Variants in DOC2B observed in about 807,000 individuals in gnomAD.
The protein encoded by DOC2B is double C2-like domain-containing protein beta.
Under a neutral mutation model 28.9 loss-of-function variants are expected in DOC2B, and 21 were observed. The ratio of observed to expected loss-of-function variants is 0.73; its 90% CI spans 0.52 to 1.05. The LOEUF (loss-of-function observed/expected upper bound fraction) is 1.05. DOC2B is among the 50% of genes least tolerant of loss of function. The probability of loss-of-function intolerance (pLI) is 0.00; values close to 1 mark genes in which losing one functional copy is unlikely to be tolerated. For missense variants in DOC2B, 384 were observed against 421.1 expected (o/e 0.91, Z 0.77); for synonymous variants, 194 against 178.1 (o/e 1.09, Z -0.71).
Position 147,477 on chromosome 17 carries a change from G to A in DOC2B, c.1203C>T (p.Leu401=). 2.5e-6 allele frequency: 1 copy of A among 398,828 alleles called. No homozygotes were observed. Among genetic ancestry groups the A allele is most frequent in the Non-Finnish European group, 4.4e-6 (1 of 226,172 alleles). 24.7% of individuals were successfully genotyped at this position (398,828 alleles called of 1,614,324 possible). A position where few individuals can be genotyped will look rare whatever the true frequency, so the allele number is the denominator to read the frequency against. ...GCACAGCCCCTGGGAGCTCGCTGGT[G>A]AGCGTGTGCCAGCGCTCGATGCGCT... ...KDKRIERWHT[L]TSELPGAVLS... The change falls in exon 9 of 9, where the codon CTC becomes CTT. Residue 401 remains leucine, a synonymous_variant. Coordinates refer to ENST00000613549, the MANE Select transcript of DOC2B (RefSeq NM_003585.5).
intron 6 of DOC2B, among the ~76,000 whole-genome samples, chr17:153,965 G>A (rs1413009364): frequency 1.3e-5 from 2 of 152,062 alleles, no homozygotes; most frequent in Non-Finnish European, 2.9e-5. Context: ...CCTGGCTCCT[G>A]CAACCACAAA....
In DOC2B at chr17:156,331, A is replaced by C. The variant is rs1567529484; in HGVS notation, c.812T>G (p.Leu271Arg). 6.4e-7 allele frequency: 1 copy of C among 1,551,376 alleles called. No homozygotes were observed. The highest frequency in any genetic ancestry group is 8.7e-7 in the Non-Finnish European group (1 of 1,146,800). The change falls in exon 6 of 9, where the codon CTC (leucine) becomes CGC (arginine). Residue 271 changes from leucine (L) to arginine (R), a missense_variant. Transcript: ENST00000613549. ...DKSLEERGRILISLKYSSQKQ... is the reference protein window; with the variant it reads ...DKSLEERGRIRISLKYSSQKQ... ...CTGTGAGCTGTACTTGAGGGAGATGAGGATGCGGCCCCGCTCCTCCAGGGA... is the reference window on the plus strand; with the variant it reads ...CTGTGAGCTGTACTTGAGGGAGATGCGGATGCGGCCCCGCTCCTCCAGGGA...
rs2040019055 is a variant in DOC2B, at chr17:146,373, T to C, written c.*1068A>G. The C allele has an allele frequency of 6.6e-6, 1 of 152,184 alleles. No individual in the cohort carries two copies. Among genetic ancestry groups the C allele is most frequent in the Non-Finnish European group, 1.5e-5 (1 of 68,084 alleles). 9.4% of individuals were successfully genotyped at this position (152,184 alleles called of 1,614,324 possible). On this transcript the variant is annotated 3_prime_UTR_variant, in exon 9 of 9. Transcript: ENST00000613549. The stretch of plus-strand genomic sequence containing the variant: ...TCTCCACTGCAGCTGACCTGATGCT[T>C]ATGCCAGGAAGGAGGAGGGGCGGGC...
chr17:159,747 G>T (rs1555522991), intron 5 of DOC2B, among the ~76,000 whole-genome samples: 3 of 152,160 alleles, frequency 2.0e-5, no homozygotes, highest in African/African-American at 7.2e-5. Context: ...AGCGCATCCA[G>T]CAACGCCCTG....
chr17:152,335 G>A (rs531497988), intron 6 of DOC2B, among the ~76,000 whole-genome samples: 11 of 152,276 alleles, frequency 7.2e-5, no homozygotes, highest in African/African-American at 2.6e-4. Context: ...GGGATATTAC[G>A]TGTAACTCGA....
chr17:161,356 C>T, intron 5 of DOC2B, 59 bp downstream of exon 5: 1 of 1,524,460 alleles, frequency 6.6e-7, no homozygotes. Context: ...GGAAGTTCTG[C>T]CTTCCCAGCA....
At chr17:171,973 C>T (rs1458080685) in intron 2 of DOC2B, among the ~76,000 whole-genome samples, 2 of 149,670 alleles carry the variant, frequency 1.3e-5, no homozygotes, top group Non-Finnish European at 3.0e-5. Flanking sequence ...GGGGCCGGGC[C>T]AGGCTGCAGA....
intron 2 of DOC2B, among the ~76,000 whole-genome samples, chr17:166,172 C>T (rs1597829094): frequency 6.6e-6 from 1 of 152,234 alleles, no homozygotes. Context: ...CCTGGGCAGC[C>T]ACACATTTCG....
At position 173,336 on chromosome 17, in the gene DOC2B, G is replaced by A. The variant is rs137993527; in HGVS notation, c.374-720C>T. ...CCATGCAGAAGCGGCTCCCAGCATG[G>A]AGGCCAAGGTGATGGTTGGGGCAGA... is the stretch of plus-strand genomic sequence containing the variant. On this transcript the variant is annotated intron_variant, in intron 1 of 8. Coordinates refer to ENST00000613549, the MANE Select transcript of DOC2B (RefSeq NM_003585.5). Among the ~76,000 whole-genome samples, 247 of 152,286 alleles carry A rather than the reference G, an allele frequency of 1.6e-3. 1 individual carries two copies. The highest frequency in any genetic ancestry group is 5.7e-3 in the African/African-American group (238 of 41,550).
chr17:148,890 C>A (rs2040043634), intron 7 of DOC2B, among the ~76,000 whole-genome samples: 1 of 151,726 alleles, frequency 6.6e-6, no homozygotes, highest in South Asian at 2.1e-4. Flanking sequence ...ACCGAGGACT[C>A]CCCTCAACAC....
intron 2 of DOC2B, among the ~76,000 whole-genome samples, chr17:169,710 C>T (rs2040290026): frequency 1.3e-5 from 2 of 152,042 alleles, no homozygotes; most frequent in Admixed American, 1.3e-4. Context: ...AGCAAGGGTG[C>T]ACCCCAGGGT....
rs897790165 is a variant in DOC2B at position 143,438 on chromosome 17, T to A, written c.*4003A>T. The A allele has an allele frequency of 6.7e-6, 1 of 149,498 alleles. No individual in the cohort carries two copies. Among genetic ancestry groups the A allele is most frequent in the African/African-American group, 2.5e-5 (1 of 40,382 alleles). The allele number at this position is 149,498 out of a possible 1,614,324, so 9.3% of individuals were successfully genotyped here. ...CCCACTTTCCAGGCTCAAGCGATCC[T>A]CCTCCTCCTACCTCAGCCTCCTGAA... On this transcript the variant is annotated 3_prime_UTR_variant, in exon 9 of 9. Coordinates refer to ENST00000613549, the MANE Select transcript of DOC2B (RefSeq NM_003585.5).
chr17:148,326 G>A, intron 7 of DOC2B, 57 bp from the exon 8 acceptor site: 1 of 398,622 alleles, frequency 2.5e-6, no homozygotes, highest in African/African-American at 2.1e-5. Context: ...TCCGCCGGGG[G>A]CCAGGAGGGG....
intron 5 of DOC2B, among the ~76,000 whole-genome samples, chr17:160,441 T>G (rs113615868): frequency 2.2e-4 from 34 of 152,320 alleles, no homozygotes; most frequent in African/African-American, 8.2e-4. Context: ...TCAGGCTGAC[T>G]CGCCCCCGGG....
intron 6 of DOC2B, among the ~76,000 whole-genome samples, chr17:151,992 T>C (rs2040077408): frequency 6.6e-6 from 1 of 152,190 alleles, no homozygotes; most frequent in African/African-American, 2.4e-5. Flanking sequence ...TACCCTACTC[T>C]GGCACAAGCC....
rs1043861462 is a variant in DOC2B at position 162,143 on chromosome 17, T to C, written c.576A>G (p.Thr192=). Residue 192 remains threonine, a synonymous_variant, in exon 4 of 9, where the codon ACA becomes ACG. Transcript: ENST00000613549. ...CGTAGTAAGTGAGGGTCTCGTTCCA[T>C]GTGGGGTTCAGAGTGTTACGGAGAG... is the stretch of plus-strand genomic sequence containing the variant. The part of the protein sequence containing the change: ...TKTLRNTLNP[T]WNETLTYYGI... 73 of 1,551,922 alleles carry C rather than the reference T, an allele frequency of 4.7e-5. 1 individual carries two copies. In the Middle Eastern group the frequency reaches 1.0e-3, roughly 21 times the overall value.
chr17:161,046 C>T (rs1382442867), intron 5 of DOC2B, among the ~76,000 whole-genome samples: 3 of 152,122 alleles, frequency 2.0e-5, no homozygotes, highest in South Asian at 2.1e-4. Context: ...GCTGCCTGCA[C>T]ATCTGGTTCA....
chr17:175,764 G>C (rs1222572224), intron 1 of DOC2B, among the ~76,000 whole-genome samples: 2 of 152,242 alleles, frequency 1.3e-5, no homozygotes, highest in Non-Finnish European at 2.9e-5. Flanking sequence ...CAGAGCGGCT[G>C]CCTGCTCCCC....
intron 6 of DOC2B, among the ~76,000 whole-genome samples, chr17:150,935 C>T (rs1419781967): frequency 6.6e-6 from 1 of 152,192 alleles, no homozygotes; most frequent in African/African-American, 2.4e-5. Context: ...GGGCAACACA[C>T]TATCTGACTG....
Sources: allele counts gnomAD v4.1 joint callset (sites outside exome capture counted in the v4.1 genomes callset), GRCh38; gene constraint gnomAD v4.1.1; transcripts MANE v1.5; gene names NCBI Gene and HGNC (gene_info 2026-07-23, HGNC 2026-07-21).